The following TNR variants were observed in gnomAD, a reference collection of about 807,000 sequenced individuals.
TNR encodes the protein tenascin-R.
A neutral mutation model predicts 150.4 loss-of-function variants in TNR; 45 were observed. The observed-to-expected ratio is 0.30, with a 90% CI of 0.24 to 0.38. The LOEUF (loss-of-function observed/expected upper bound fraction) is 0.38, where lower values mean the gene tolerates loss of function less well. Among genes scored for constraint, TNR ranks in the 10% least tolerant of loss-of-function variants. TNR has a pLI of 1.00. For synonymous variants in TNR, 687 were observed against 678.4 expected, an observed-to-expected ratio of 1.01 and a Z score of -0.20; for missense variants, 1,544 against 1,759.1, an observed-to-expected ratio of 0.88 and a Z score of 2.19.
At chr1:175,664,281 C>G (rs886687609) in intron 1 of TNR, among the ~76,000 whole-genome samples, 2 of 152,212 alleles carry the variant, frequency 1.3e-5, no homozygotes, top group African/African-American at 4.8e-5. Context: ...TGGTTATCTT[C>G]CCCAGCTGGG....
chr1:175,580,018 C>T (rs934803059), intron 1 of TNR, among the ~76,000 whole-genome samples: 33 of 152,274 alleles, frequency 2.2e-4, no homozygotes, highest in Non-Finnish European at 3.2e-4. Context: ...CAGGCCCCCA[C>T]CATCAAGGCA....
intron 1 of TNR, among the ~76,000 whole-genome samples, chr1:175,655,666 T>C (rs535053193): frequency 2.0e-5 from 3 of 152,244 alleles, no homozygotes; most frequent in Non-Finnish European, 4.4e-5. Flanking sequence ...ATAAGTGTTA[T>C]TAGTGCAGCT....
chr1:175,602,233 T>C (rs1301475439), intron 1 of TNR, among the ~76,000 whole-genome samples: 1 of 41,956 alleles, frequency 2.4e-5, no homozygotes, highest in African/African-American at 9.3e-5. Context: ...AAAAAAAAAA[T>C]AGCGTTCCTG....
chr1:175,723,674 C>T (rs968450968), intron 1 of TNR, among the ~76,000 whole-genome samples: 2 of 152,144 alleles, frequency 1.3e-5, no homozygotes, highest in Non-Finnish European at 2.9e-5. Flanking sequence ...GGATTCGAGG[C>T]CAGCCTGGCC....
intron 1 of TNR, among the ~76,000 whole-genome samples, chr1:175,641,319 A>G (rs1055984407): frequency 1.3e-5 from 2 of 152,118 alleles, no homozygotes; most frequent in Non-Finnish European, 2.9e-5. Flanking sequence ...AAAAAGAAAA[A>G]AGAGAGAGAG....
chr1:175,658,278 T>C (rs1316799356), intron 1 of TNR, among the ~76,000 whole-genome samples: 1 of 152,074 alleles, frequency 6.6e-6, no homozygotes, highest in Non-Finnish European at 1.5e-5. Context: ...TTTGACTTTA[T>C]GGGGAGAAGA....
intron 1 of TNR, chr1:175,656,692 C>T (rs1450835743): frequency 6.6e-6 from 1 of 152,376 alleles, no homozygotes; most frequent in Non-Finnish European, 1.5e-5. Context: ...TTGGTCATGT[C>T]AGCCCTATGC....
At chr1:175,610,151 T>C (rs1323126) in intron 1 of TNR, among the ~76,000 whole-genome samples, 17,961 of 152,218 alleles carry the variant, frequency 0.12, 1,487 homozygotes, top group African/African-American at 0.23. Context: ...CTGCAGACTG[T>C]AAGGAATAAA....
Position 175,403,326 on chromosome 1 carries a change from G to C in TNR, c.790C>G (p.Leu264Val), listed in dbSNP as rs764865565. ...CCCGAACAGTCCCCAGGGCACCTCA[G>C]TTCCCTGCAGTCCTCGCCAGTGTAG... ...EPYTGEDCRE[L>V]RCPGDCSGKG... Residue 264 changes from leucine to valine, a missense_variant, in exon 4 of 23, where the codon CTG becomes GTG. By Grantham distance (32) the Leu-to-Val change is conservative. This residue lies in a region of TNR where 1,254 missense variants were observed against 1,329.4 expected (regional missense o/e 0.94). Transcript: ENST00000367674. 2.9e-5 allele frequency: 47 copies of C among 1,614,032 alleles called. No homozygotes were observed. In the South Asian group the frequency reaches 5.0e-4, roughly 17 times the overall value.
chr1:175,466,908 G>A (rs1304738096), intron 2 of TNR, among the ~76,000 whole-genome samples: 2 of 152,080 alleles, frequency 1.3e-5, no homozygotes, highest in East Asian at 1.9e-4. Flanking sequence ...TGGGACAGGA[G>A]ACAGTCCCGA....
At chr1:175,705,967 G>T (rs926595137) in intron 1 of TNR, among the ~76,000 whole-genome samples, 9 of 152,146 alleles carry the variant, frequency 5.9e-5, no homozygotes, top group Admixed American at 3.3e-4. Context: ...CCTGACTTGT[G>T]TAAAAATGTA....
chr1:175,415,738 T>A (rs1654413384), intron 2 of TNR, among the ~76,000 whole-genome samples: 1 of 152,148 alleles, frequency 6.6e-6, no homozygotes, highest in South Asian at 2.1e-4. Context: ...GAACTCTAAT[T>A]GACATTACCT....
chr1:175,702,528 G>A (rs146542135), intron 1 of TNR, among the ~76,000 whole-genome samples: 5 of 152,360 alleles, frequency 3.3e-5, no homozygotes, highest in African/African-American at 4.8e-5. Context: ...AAACGAATAT[G>A]AGGGGTTGGC....
intron 9 of TNR, among the ~76,000 whole-genome samples, chr1:175,378,506 G>C (rs377480267): frequency 3.3e-5 from 5 of 152,166 alleles, no homozygotes; most frequent in African/African-American, 1.2e-4. Flanking sequence ...TGAAGCTGCC[G>C]GACAGAATGA....
At chr1:175,482,344 G>A (rs1571502938) in intron 2 of TNR, among the ~76,000 whole-genome samples, 1 of 152,260 alleles carries the variant, frequency 6.6e-6, no homozygotes, top group Non-Finnish European at 1.5e-5. Flanking sequence ...TTTGTGGCCT[G>A]GCTAGGAGAC....
chr1:175,588,930 G>A (rs549484934), intron 1 of TNR, among the ~76,000 whole-genome samples: 22 of 152,004 alleles, frequency 1.4e-4, no homozygotes, highest in East Asian at 5.8e-4. Context: ...AGTTCTTGTC[G>A]CATTCATCTA....
chr1:175,480,193 C>T (rs1657719628), intron 2 of TNR, among the ~76,000 whole-genome samples: 1 of 151,908 alleles, frequency 6.6e-6, no homozygotes, highest in Admixed American at 6.6e-5. Flanking sequence ...TGGATGTGCC[C>T]TGAATCCTGT....
rs190779869 is a variant in TNR at position 175,349,300 on chromosome 1, C to T, written c.3382+5091G>A. On this transcript the variant is annotated intron_variant, in intron 18 of 22. Coordinates refer to ENST00000367674, the MANE Select transcript of TNR (RefSeq NM_003285.3). ...GTGGACATGTACAAAGTATTTACTGCAGCACCATTTGTGGTGGTGGGAGGT... is the reference window on the plus strand; with the variant it reads ...GTGGACATGTACAAAGTATTTACTGTAGCACCATTTGTGGTGGTGGGAGGT... 3.7e-3 allele frequency among the ~76,000 whole-genome samples: 560 copies of T among 152,302 alleles called. 6 individuals are homozygous for T. Among genetic ancestry groups the T allele is most frequent in the Non-Finnish European group, 4.3e-3 (291 of 68,030 alleles).
intron 1 of TNR, among the ~76,000 whole-genome samples, chr1:175,699,783 A>C (rs1394060734): frequency 6.6e-6 from 1 of 152,012 alleles, no homozygotes; most frequent in Non-Finnish European, 1.5e-5. Flanking sequence ...TGAGTATGGG[A>C]ATAAGTAATG....
Sources: gnomAD v4.1 joint callset for allele counts (sites outside exome capture counted in the v4.1 genomes callset) on GRCh38, gnomAD v4.1.1 for gene constraint, gnomAD v4.1.1 regional missense constraint, MANE v1.5 for transcripts, NCBI Gene and HGNC (gene_info 2026-07-23, HGNC 2026-07-21) for gene names.